C8orf34: variants seen among roughly 807,000 people sequenced by gnomAD.
C8orf34 encodes uncharacterized protein C8orf34.
C8orf34 carries 65 observed loss-of-function variants against 68.3 expected under a neutral mutation model. The ratio of observed to expected loss-of-function variants is 0.95; its 90% CI spans 0.78 to 1.17. The LOEUF is 1.17. C8orf34 is among the 50% of genes most tolerant of loss of function. The pLI, the probability that C8orf34 is intolerant of heterozygous loss-of-function variation, is 0.00. For missense variants in C8orf34, 664 were observed against 655.4 expected (o/e 1.01, Z -0.14); for synonymous variants, 244 against 241.2 (o/e 1.01, Z -0.11).
chr8:68,794,254 C>T (rs1824099161), intron 12 of C8orf34, among the ~76,000 whole-genome samples: 1 of 151,430 alleles, frequency 6.6e-6, no homozygotes, highest in Admixed American at 6.6e-5. Flanking sequence ...TCACTGAAAC[C>T]TCTGCCTCCA....
At chr8:68,639,014 G>A (rs150268824) in intron 7 of C8orf34, among the ~76,000 whole-genome samples, 2 of 152,112 alleles carry the variant, frequency 1.3e-5, no homozygotes, top group East Asian at 3.9e-4. Flanking sequence ...GTGGTGAACA[G>A]TAATGTGAGA....
At chr8:68,429,633 G>A (rs1482327726) in intron 1 of C8orf34, among the ~76,000 whole-genome samples, 1 of 152,170 alleles carries the variant, frequency 6.6e-6, no homozygotes, top group East Asian at 1.9e-4. Context: ...TTTAATAGTA[G>A]AGTGGATGAA....
intron 7 of C8orf34, among the ~76,000 whole-genome samples, chr8:68,614,795 C>A (rs1001860618): frequency 2.6e-5 from 4 of 152,006 alleles, no homozygotes; most frequent in Non-Finnish European, 4.4e-5. Flanking sequence ...TCCACATGAA[C>A]TTTAAAGTAG....
Position 68,709,037 on chromosome 8 carries a change from C to G in C8orf34, c.1285C>G (p.Pro429Ala), listed in dbSNP as rs139715497. ...NLEERTEESLPILHSPDEKIP... is the reference protein window; with the variant it reads ...NLEERTEESLAILHSPDEKIP... ...GGAAGAAAGGACAGAAGAGTCACTA[C>G]CAATACTCCATTCTCCAGATGAAAA... is the stretch of plus-strand genomic sequence containing the variant. The change falls in exon 9 of 14, where the codon CCA (proline) becomes GCA (alanine). Residue 429 changes from proline (P) to alanine (A), a missense_variant. Coordinates refer to ENST00000518698, the MANE Select transcript of C8orf34 (RefSeq NM_052958.4). The G allele has an allele frequency of 6.8e-6, 11 of 1,610,654 alleles. No homozygotes were observed. The highest frequency in any genetic ancestry group is 1.1e-5 in the South Asian group (1 of 90,288).
chr8:68,703,996 G>C (rs1241412769), intron 8 of C8orf34, among the ~76,000 whole-genome samples: 1 of 152,076 alleles, frequency 6.6e-6, no homozygotes, highest in Non-Finnish European at 1.5e-5. Context: ...ATAGGGCTGG[G>C]CCATATTTTC....
At chr8:68,396,214 A>G (rs953239968) in intron 1 of C8orf34, among the ~76,000 whole-genome samples, 2 of 152,182 alleles carry the variant, frequency 1.3e-5, no homozygotes, top group East Asian at 3.9e-4. Flanking sequence ...TCTAGCATTG[A>G]GTTTGACATA....
At chr8:68,389,915 G>C (rs373354696) in intron 1 of C8orf34, among the ~76,000 whole-genome samples, 1 of 152,070 alleles carries the variant, frequency 6.6e-6, no homozygotes, top group East Asian at 1.9e-4. Context: ...TCCTAACGAT[G>C]ACCACTTTTC....
chr8:68,377,007 A>T (rs1041405717), intron 1 of C8orf34, among the ~76,000 whole-genome samples: 13 of 152,122 alleles, frequency 8.5e-5, no homozygotes, highest in African/African-American at 2.9e-4. Context: ...TACACTGTTT[A>T]GTTTTGTTTT....
intron 10 of C8orf34, among the ~76,000 whole-genome samples, chr8:68,742,194 C>T (rs996202654): frequency 6.6e-6 from 1 of 152,144 alleles, no homozygotes; most frequent in African/African-American, 2.4e-5. Context: ...CCATTGCCTC[C>T]TTATGGCTGC....
chr8:68,607,674 T>A (rs1434648831), intron 7 of C8orf34, among the ~76,000 whole-genome samples: 1 of 152,120 alleles, frequency 6.6e-6, no homozygotes, highest in Non-Finnish European at 1.5e-5. Context: ...TCCAGATTTA[T>A]TGTAAAGTTA....
intron 1 of C8orf34, among the ~76,000 whole-genome samples, chr8:68,391,591 G>C (rs182676813): frequency 2.0e-5 from 3 of 152,100 alleles, no homozygotes; most frequent in Non-Finnish European, 4.4e-5. Context: ...TTGTGTTGAG[G>C]TTCTGTCACT....
intron 4 of C8orf34, among the ~76,000 whole-genome samples, chr8:68,469,934 G>T (rs1447143223): frequency 1.3e-4 from 3 of 22,440 alleles, no homozygotes; most frequent in Non-Finnish European, 2.0e-4. Flanking sequence ...TTGGTATTTT[G>T]TGTGTGTGTG....
intron 4 of C8orf34, among the ~76,000 whole-genome samples, chr8:68,474,945 T>C (rs1373976300): frequency 1.3e-5 from 2 of 152,218 alleles, no homozygotes; most frequent in African/African-American, 2.4e-5. Context: ...ACTATAAGTG[T>C]AGTGGCTCTA....
At chr8:68,467,815 C>A (rs1812213564) in intron 3 of C8orf34, among the ~76,000 whole-genome samples, 1 of 151,986 alleles carries the variant, frequency 6.6e-6, no homozygotes, top group Admixed American at 6.6e-5. Flanking sequence ...TGCTTCTTGT[C>A]TTCTTAGGCC....
chr8:68,477,393 C>A (rs1256343966), intron 4 of C8orf34, among the ~76,000 whole-genome samples: 1 of 152,178 alleles, frequency 6.6e-6, no homozygotes, highest in Non-Finnish European at 1.5e-5. Context: ...ATGAATAGAG[C>A]CTGAAACAAA....
At chr8:68,448,268 G>C (rs571473378) in intron 3 of C8orf34, among the ~76,000 whole-genome samples, 1 of 152,034 alleles carries the variant, frequency 6.6e-6, no homozygotes, top group East Asian at 1.9e-4. Flanking sequence ...TTTTTACTCA[G>C]GTAACCTACT....
intron 7 of C8orf34, among the ~76,000 whole-genome samples, chr8:68,551,288 G>A (rs1042244763): frequency 2.0e-5 from 3 of 151,690 alleles, no homozygotes; most frequent in African/African-American, 7.3e-5. Context: ...GCCATGTCCA[G>A]TCTACTAATG....
intron 1 of C8orf34, among the ~76,000 whole-genome samples, chr8:68,335,913 C>A (rs954405027): frequency 1.3e-5 from 2 of 151,922 alleles, no homozygotes; most frequent in African/African-American, 2.4e-5. Flanking sequence ...ACAGTGAAAC[C>A]ACATCTCTAC....
chr8:68,493,651 A>G (rs898737940), intron 5 of C8orf34, among the ~76,000 whole-genome samples: 4 of 152,186 alleles, frequency 2.6e-5, no homozygotes, highest in Admixed American at 1.3e-4. Context: ...TCATATTGAC[A>G]TGTAATCCCC....
Sources: gnomAD v4.1 joint callset for allele counts (sites outside exome capture counted in the v4.1 genomes callset) on GRCh38, gnomAD v4.1.1 for gene constraint, MANE v1.5 for transcripts, NCBI Gene and HGNC (gene_info 2026-07-23, HGNC 2026-07-21) for gene names.